PRKACA: variants seen among roughly 807,000 people sequenced by gnomAD.
PRKACA encodes cAMP-dependent protein kinase catalytic subunit alpha.
A neutral mutation model predicts 45.8 loss-of-function variants in PRKACA; 9 were observed. The observed-to-expected ratio is 0.20, with a 90% CI of 0.12 to 0.34. PRKACA has a LOEUF of 0.34. Among genes scored for constraint, PRKACA ranks in the 10% least tolerant of loss-of-function variants. PRKACA has a pLI of 1.00. For synonymous variants in PRKACA, 160 were observed against 178.6 expected (o/e 0.90, Z 0.83); for missense variants, 238 against 458.6 (o/e 0.52, Z 4.39).
Position 14,097,481 on chromosome 19 carries a change from G to A in PRKACA, c.645C>T (p.Gly215=), listed in dbSNP as rs756658679. 12 of 1,613,988 alleles carry A rather than the reference G, an allele frequency of 7.4e-6. No individual in the cohort carries two copies. Among genetic ancestry groups the A allele is most frequent in the Non-Finnish European group, 1.0e-5 (12 of 1,180,022 alleles). The stretch of plus-strand genomic sequence containing the variant: ...CCCACCAGTCCACGGCCTTGTTGTA[G>A]CCCTGGAGCAAGATGGGGGGGCACA... ...YLAPEIILSK[G]YNKAVDWWAL... Residue 215 remains glycine (G), a splice_region_variant and synonymous_variant, in exon 8 of 10, where the codon GGC becomes GGT. Coordinates refer to ENST00000308677, the MANE Select transcript of PRKACA (RefSeq NM_002730.4). The surrounding 1 kb of genome is among the most constrained non-coding windows in gnomAD (Gnocchi z 5.4).
intron 1 of PRKACA, chr19:14,114,312 C>G: frequency 3.2e-6 from 3 of 948,916 alleles, no homozygotes; most frequent in Non-Finnish European, 4.9e-6. Context: ...ACCCAGAGGC[C>G]ACTGGGTGTG....
At position 14,092,106 on chromosome 19, in the gene PRKACA, C is replaced by G. The variant is rs1330195460; in HGVS notation, c.*1006G>C. On this transcript the variant is annotated 3_prime_UTR_variant, in exon 10 of 10. Coordinates refer to ENST00000308677, the MANE Select transcript of PRKACA (RefSeq NM_002730.4). ...GGGGGGACTTGGCCTCTTCTGTTCC[C>G]TTTTGCAGGGATGCCCTCCCCACTC... The G allele has an allele frequency of 6.6e-6, 1 of 152,348 alleles. No homozygotes were observed. 9.4% of individuals were successfully genotyped at this position (152,348 alleles called of 1,614,324 possible).
intron 1 of PRKACA, 146 bp downstream of exon 1, chr19:14,117,356 C>A: frequency 9.7e-7 from 1 of 1,026,884 alleles, no homozygotes; most frequent in Non-Finnish European, 1.2e-6. Context: ...CCCGCGGGCC[C>A]CAGCCTTGGA....
chr19:14,109,372 C>T (rs140319696), intron 1 of PRKACA, among the ~76,000 whole-genome samples: 10 of 151,898 alleles, frequency 6.6e-5, no homozygotes, highest in East Asian at 2.0e-4. Context: ...CGCTTCGACC[C>T]GGGAGGCAGA....
At chr19:14,115,718 G>GATCT (rs1967091602) in intron 1 of PRKACA, among the ~76,000 whole-genome samples, 2 of 152,080 alleles carry the variant, frequency 1.3e-5, no homozygotes, top group Non-Finnish European at 2.9e-5. Flanking sequence ...TTTTTCTTGT[G>GATCT]TGGCTTTCCA....
chr19:14,114,329 GGACA>G, intron 1 of PRKACA: 2 of 776,690 alleles, frequency 2.6e-6, no homozygotes, highest in Non-Finnish European at 4.2e-6. Flanking sequence ...TGTGGAGGAG[GGACA>G]GATAGGGCCC....
At chr19:14,099,294 AAAAAT>A (rs1357887229) in intron 5 of PRKACA, among the ~76,000 whole-genome samples, 1 of 152,224 alleles carries the variant, frequency 6.6e-6, no homozygotes, top group Non-Finnish European at 1.5e-5. Flanking sequence ...CTCTGTCTCA[AAAAAT>A]AAAATCAAAT....
rs1328548729 is a variant in PRKACA at position 14,097,743 on chromosome 19, C to T, written c.546+21G>A. 2 of 1,614,126 alleles carry T rather than the reference C, an allele frequency of 1.2e-6. No individual in the cohort carries two copies. Among genetic ancestry groups the T allele is most frequent in the Middle Eastern group, 1.7e-4 (1 of 6,060 alleles). ...GGCCACGGCTTCCCCAGGGCTGCCC[C>T]TCGCCCGGCCTGGTGGGCACCTGAA... On this transcript the variant is annotated intron_variant, in intron 6 of 9. Coordinates refer to ENST00000308677, the MANE Select transcript of PRKACA (RefSeq NM_002730.4). The surrounding 1 kb of genome is among the most constrained non-coding windows in gnomAD (Gnocchi z 5.4).
At chr19:14,100,950 T>A in intron 4 of PRKACA, 42 bp from the exon 5 acceptor site, 1 of 1,579,944 alleles carries the variant, frequency 6.3e-7, no homozygotes. Flanking sequence ...CCCCTGAGAC[T>A]TGGACCCGAT....
chr19:14,102,555 G>T (rs1233664583), intron 4 of PRKACA, among the ~76,000 whole-genome samples: 4 of 152,154 alleles, frequency 2.6e-5, no homozygotes, highest in Non-Finnish European at 2.9e-5. Context: ...CCATAAACCA[G>T]GTGCTGCTTT....
At chr19:14,107,840 C>T in intron 1 of PRKACA, 3 of 995,770 alleles carry the variant, frequency 3.0e-6, no homozygotes, top group Non-Finnish European at 3.6e-6. Context: ...TAGCAGGTGC[C>T]CTTGGGGGGC....
rs1367599011 is a variant in PRKACA, at chr19:14,102,845, A to G, written c.307T>C (p.Phe103Leu). 2.5e-6 allele frequency: 4 copies of G among 1,613,998 alleles called. No individual in the cohort carries two copies. The highest frequency in any genetic ancestry group is 1.3e-5 in the African/African-American group (1 of 74,934). The change falls in exon 4 of 10, where the codon TTC (phenylalanine) becomes CTC (leucine). Residue 103 changes from phenylalanine to leucine, a missense_variant. Physicochemically the swap from Phe to Leu is conservative, Grantham distance 22. Around this residue, in one of 3 missense-constraint regions of PRKACA, gnomAD observed 93 missense variants for 149.1 expected, o/e 0.62. Transcript: ENST00000308677. The stretch of plus-strand genomic sequence containing the variant: ...AAGGAGAACTCGAGTTTGACGAGGA[A>G]CGGAAAGTTGACAGCTTGCAGGATG... ...KRILQAVNFPFLVKLEFSFKD... is the reference protein window; with the variant it reads ...KRILQAVNFPLLVKLEFSFKD...
In PRKACA at chr19:14,101,025, C is replaced by T. The variant is rs561071913; in HGVS notation, c.337-117G>A. On this transcript the variant is annotated intron_variant, in intron 4 of 9. Coordinates refer to ENST00000308677, the MANE Select transcript of PRKACA (RefSeq NM_002730.4). ...TTAAATGACAACAGCGATCCTGGCTCCCTGTAGGAATCATGTTCTACAGGG... is the reference window on the plus strand; with the variant it reads ...TTAAATGACAACAGCGATCCTGGCTTCCTGTAGGAATCATGTTCTACAGGG... 8.6e-5 allele frequency: 74 copies of T among 859,744 alleles called. No homozygotes were observed. In the Middle Eastern group the frequency reaches 8.9e-4, roughly 10 times the overall value. 53.3% of individuals were successfully genotyped at this position (859,744 alleles called of 1,614,324 possible).
rs1977096489 is a variant in PRKACA at position 14,092,194 on chromosome 19, C to G, written c.*918G>C. On this transcript the variant is annotated 3_prime_UTR_variant, in exon 10 of 10. Transcript: ENST00000308677. The stretch of plus-strand genomic sequence containing the variant: ...ATAAAATTAAGGAGTTGGGGGGAAA[C>G]GCTGCTGGGAGGAAAGACTTGGGCT... The G allele has an allele frequency of 6.3e-6, 1 of 157,488 alleles. No homozygotes were observed. The highest frequency in any genetic ancestry group is 1.4e-5 in the Non-Finnish European group (1 of 71,524). The allele number at this position is 157,488 out of a possible 1,614,324, so 9.8% of individuals were successfully genotyped here. A position where few individuals can be genotyped will look rare whatever the true frequency, so the allele number is the denominator to read the frequency against.
chr19:14,097,157 T>C lies in PRKACA; in HGVS notation c.765+204A>G. 4.1e-6 allele frequency: 3 copies of C among 725,430 alleles called. No individual in the cohort carries two copies. The highest frequency in any genetic ancestry group is 1.8e-5 in the South Asian group (1 of 55,974). The allele number at this position is 725,430 out of a possible 1,614,324, so 44.9% of individuals were successfully genotyped here. ...GGGATTTTGGAAGCCCATGGGATTC[T>C]GGAACCGCGGGGTTGGGGCTGGACA... On this transcript the variant is annotated intron_variant, in intron 8 of 9. Transcript: ENST00000308677. The surrounding 1 kb of genome is among the most constrained non-coding windows in gnomAD (Gnocchi z 5.4).
At chr19:14,100,186 A>C (rs1471733675) in intron 5 of PRKACA, among the ~76,000 whole-genome samples, 2 of 152,036 alleles carry the variant, frequency 1.3e-5, no homozygotes, top group Non-Finnish European at 2.9e-5. Flanking sequence ...TATGCAGCCC[A>C]GGCTGGTCTC....
At chr19:14,093,565 C>A in intron 9 of PRKACA, 63 bp downstream of exon 9, 1 of 1,542,420 alleles carries the variant, frequency 6.5e-7, no homozygotes. Flanking sequence ...TCTCTATTGG[C>A]TGTCCTCCCT....
chr19:14,093,645 C>T lies in PRKACA; in HGVS notation c.913G>A (p.Ala305Thr), dbSNP rs750316086. 1 of 1,613,616 alleles carries T rather than the reference C, an allele frequency of 6.2e-7. No individual in the cohort carries two copies. Among genetic ancestry groups the T allele is most frequent in the Non-Finnish European group, 8.5e-7 (1 of 1,179,676 alleles). ...HKWFATTDWI[A>T]IYQRKVEAPF... Reference sequence around the variant, plus strand: ...AGGCCCACCTTCCTCTGGTAGATGGCAATCCAGTCAGTTGTGGCAAACCAC... The same window carrying T: ...AGGCCCACCTTCCTCTGGTAGATGGTAATCCAGTCAGTTGTGGCAAACCAC... Residue 305 changes from alanine (A) to threonine (T), a missense_variant, in exon 9 of 10, where the codon GCC becomes ACC. Ala to Thr is a moderately conservative substitution (Grantham distance 58). Coordinates refer to ENST00000308677, the MANE Select transcript of PRKACA (RefSeq NM_002730.4).
chr19:14,107,580 G>T, intron 1 of PRKACA, 171 bp from the exon 2 acceptor site: 2 of 1,296,174 alleles, frequency 1.5e-6, no homozygotes, highest in Non-Finnish European at 2.1e-6. Flanking sequence ...GGCCTCCCTT[G>T]CTACAGAGAG....
Sources: allele counts gnomAD v4.1 joint callset (sites outside exome capture counted in the v4.1 genomes callset), GRCh38; gene constraint gnomAD v4.1.1; regional missense constraint gnomAD v4.1.1; non-coding constraint Gnocchi (gnomAD v3.1); transcripts MANE v1.5; gene names NCBI Gene and HGNC (gene_info 2026-07-23, HGNC 2026-07-21).